CD1B: variants seen among roughly 807,000 people sequenced by gnomAD.
The protein encoded by CD1B is CD1b molecule, also known as T-cell surface glycoprotein CD1b.
In CD1B, 43 loss-of-function variants were observed where a neutral mutation model predicts 39.8. The observed-to-expected ratio is 1.08, with a 90% CI of 0.85 to 1.39. CD1B has a LOEUF of 1.39. Among genes scored for constraint, CD1B ranks in the 40% most tolerant of loss-of-function variants. The pLI, the probability that CD1B is intolerant of heterozygous loss-of-function variation, is 0.00. For synonymous variants in CD1B, 192 were observed against 152.5 expected, an observed-to-expected ratio of 1.26 and a Z score of -1.91; for missense variants, 495 against 403.8, an observed-to-expected ratio of 1.23 and a Z score of -1.94.
At chr1:158,298,321 G>A in the CD1B span, among the ~76,000 whole-genome samples, 1 of 152,112 alleles carries the variant, frequency 6.6e-6, no homozygotes, top group Non-Finnish European at 1.5e-5. Context: ...CCAACTGACA[G>A]CATTAGATAG....
At chr1:158,319,336 C>T in the CD1B span, among the ~76,000 whole-genome samples, 1 of 152,104 alleles carries the variant, frequency 6.6e-6, no homozygotes, top group African/African-American at 2.4e-5. Context: ...CACATAGTCC[C>T]ATATTTCTTG....
chr1:158,310,369 G>T, the CD1B span, among the ~76,000 whole-genome samples: 1 of 152,116 alleles, frequency 6.6e-6, no homozygotes, highest in Non-Finnish European at 1.5e-5. Flanking sequence ...AGAAATCTTG[G>T]AAGAAAACCT....
chr1:158,306,793 A>G, the CD1B span, among the ~76,000 whole-genome samples: 1 of 152,262 alleles, frequency 6.6e-6, no homozygotes, highest in African/African-American at 2.4e-5. Context: ...AAGCCGCTCA[A>G]CTACATGGAA....
At chr1:158,311,533 T>G in the CD1B span, among the ~76,000 whole-genome samples, 1 of 152,168 alleles carries the variant, frequency 6.6e-6, no homozygotes, top group East Asian at 1.9e-4. Context: ...CTATTTTGTT[T>G]TGTATTACCA....
the CD1B span, among the ~76,000 whole-genome samples, chr1:158,322,766 A>G: frequency 5.3e-5 from 8 of 152,066 alleles, no homozygotes; most frequent in Non-Finnish European, 8.8e-5. Flanking sequence ...CATATTTGCC[A>G]GTTACTTTAT....
the CD1B span, chr1:158,291,211 T>C: frequency 6.2e-7 from 1 of 1,613,824 alleles, no homozygotes; most frequent in Admixed American, 1.7e-5. Context: ...AGGTCAGGGC[T>C]CAGGATGGCT....
chr1:158,310,130 A>G, the CD1B span, among the ~76,000 whole-genome samples: 20 of 152,168 alleles, frequency 1.3e-4, no homozygotes, highest in African/African-American at 4.8e-4. Context: ...CACATAGATA[A>G]ATGAACAGGT....
chr1:158,323,136 T>C (rs1220928512), downstream of CD1B, among the ~76,000 whole-genome samples: 1 of 152,148 alleles, frequency 6.6e-6, no homozygotes, highest in Non-Finnish European at 1.5e-5. Context: ...AAGTATTTGC[T>C]CTTTCAATAG....
intron 3 of CD1B, 35 bp from the exon 4 acceptor site, chr1:158,329,683 A>T (rs1652506659): frequency 6.2e-7 from 1 of 1,605,396 alleles, no homozygotes; most frequent in Non-Finnish European, 8.5e-7. Flanking sequence ...GTGTCATGTT[A>T]TAACTCGAGT....
the CD1B span, among the ~76,000 whole-genome samples, chr1:158,287,865 G>T: frequency 6.6e-6 from 1 of 152,134 alleles, no homozygotes; most frequent in African/African-American, 2.4e-5. Context: ...TCATAGTCTT[G>T]CCATTTAGAA....
At chr1:158,313,500 A>T in the CD1B span, among the ~76,000 whole-genome samples, 1 of 151,982 alleles carries the variant, frequency 6.6e-6, no homozygotes, top group Non-Finnish European at 1.5e-5. Context: ...TTTTAGAGAC[A>T]AGGTTTCATC....
the CD1B span, among the ~76,000 whole-genome samples, chr1:158,296,046 C>A: frequency 6.6e-6 from 1 of 152,276 alleles, no homozygotes; most frequent in African/African-American, 2.4e-5. Flanking sequence ...TTCTACCCTG[C>A]TGCCCCACCA....
chr1:158,293,354 A>C, the CD1B span: 1 of 1,594,726 alleles, frequency 6.3e-7, no homozygotes, highest in South Asian at 1.1e-5. Context: ...TTCACATTCC[A>C]TTTTTCACTC....
the CD1B span, among the ~76,000 whole-genome samples, chr1:158,298,690 T>G: frequency 6.6e-6 from 1 of 152,220 alleles, no homozygotes; most frequent in Non-Finnish European, 1.5e-5. Context: ...TTTTATTTCA[T>G]TGAGCAGTGG....
At chr1:158,297,251 C>T in the CD1B span, among the ~76,000 whole-genome samples, 2 of 152,150 alleles carry the variant, frequency 1.3e-5, no homozygotes, top group Non-Finnish European at 2.9e-5. Flanking sequence ...TAACAGCATA[C>T]CTTTCAGCAG....
downstream of CD1B, among the ~76,000 whole-genome samples, chr1:158,326,130 C>T (rs1376680457): frequency 1.3e-5 from 2 of 152,050 alleles, no homozygotes; most frequent in African/African-American, 4.8e-5. Context: ...ACCATCATGC[C>T]CGGCTAATTT....
the CD1B span, among the ~76,000 whole-genome samples, chr1:158,289,573 A>G: frequency 6.6e-6 from 1 of 152,220 alleles, no homozygotes; most frequent in East Asian, 1.9e-4. Flanking sequence ...GAGGACATTC[A>G]AAAGGGGGAA....
chr1:158,290,834 A>G, the CD1B span, among the ~76,000 whole-genome samples: 3 of 152,184 alleles, frequency 2.0e-5, no homozygotes, highest in African/African-American at 4.8e-5. Context: ...TGCAGATAGT[A>G]TGAACATCTC....
At position 158,330,960 on chromosome 1, in the gene CD1B, A is replaced by G; in HGVS notation, c.164T>C (p.Ile55Thr). 1.2e-6 allele frequency: 2 copies of G among 1,614,146 alleles called. No individual in the cohort carries two copies. Among genetic ancestry groups the G allele is most frequent in the Middle Eastern group, 1.6e-4 (1 of 6,062 alleles). The change falls in exon 2 of 6, where the codon ATT becomes ACT. Residue 55 changes from isoleucine (I) to threonine (T), a missense_variant. Ile to Thr is a moderately conservative substitution (Grantham distance 89). Coordinates refer to ENST00000368168, the MANE Select transcript of CD1B (RefSeq NM_001764.3). ...GCCTGAGTCGCTATCCCAGCCATGA[A>G]TCTGCAAATCATCCAACCAGCCTGA... The part of the protein sequence containing the change: ...QGSGWLDDLQ[I>T]HGWDSDSGTA...
Sources: gnomAD v4.1 joint callset for allele counts (sites outside exome capture counted in the v4.1 genomes callset) on GRCh38, gnomAD v4.1.1 for gene constraint, MANE v1.5 for transcripts, NCBI Gene and HGNC (gene_info 2026-07-23, HGNC 2026-07-21) for gene names.